Variants in KCNIP4 observed in about 807,000 individuals in gnomAD.
The protein encoded by KCNIP4 is potassium voltage-gated channel interacting protein 4.
Under a neutral mutation model 34.0 loss-of-function variants are expected in KCNIP4, and 12 were observed. The observed-to-expected ratio is 0.35, with a 90% CI of 0.23 to 0.57. The LOEUF (loss-of-function observed/expected upper bound fraction) is 0.57. Ranked by LOEUF, KCNIP4 falls within the 20% of genes least tolerant of loss-of-function variation. The probability of loss-of-function intolerance (pLI) is 0.83; values close to 1 mark genes in which losing one functional copy is unlikely to be tolerated. For missense variants in KCNIP4, 238 were observed against 311.7 expected, an observed-to-expected ratio of 0.76 and a Z score of 1.78; for synonymous variants, 124 against 102.2, an observed-to-expected ratio of 1.21 and a Z score of -1.29.
rs371030969 is a variant in KCNIP4, at chr4:21,561,280, C to T, written c.61+387291G>A. On this transcript the variant is annotated intron_variant, in intron 1 of 8. Coordinates refer to ENST00000382152, the MANE Select transcript of KCNIP4 (RefSeq NM_025221.6). ...AGAAGAATGAAGTATCTTTTTGCCACGCATTTTCCAATGTGAACAATAAAA... is the reference window on the plus strand; with the variant it reads ...AGAAGAATGAAGTATCTTTTTGCCATGCATTTTCCAATGTGAACAATAAAA... Among the ~76,000 whole-genome samples the T allele has an allele frequency of 1.8e-3, 276 of 151,972 alleles. 11 individuals are homozygous for T. In the South Asian group the frequency reaches 0.049, roughly 27 times the overall value.
intron 5 of KCNIP4, among the ~76,000 whole-genome samples, chr4:20,748,423 C>T (rs1752833185): frequency 1.3e-5 from 2 of 151,794 alleles, no homozygotes; most frequent in East Asian, 1.9e-4. Flanking sequence ...CTGCTACAGC[C>T]CCTTTTGTGC....
chr4:21,008,489 T>C (rs1363079577), intron 1 of KCNIP4, among the ~76,000 whole-genome samples: 4 of 152,134 alleles, frequency 2.6e-5, no homozygotes, highest in African/African-American at 9.7e-5. Context: ...TAAATGTGAC[T>C]TCATCTTGCA....
chr4:20,898,174 GC>G (rs1365073295), intron 1 of KCNIP4, among the ~76,000 whole-genome samples: 2 of 152,080 alleles, frequency 1.3e-5, no homozygotes, highest in Non-Finnish European at 1.5e-5. Context: ...TTACATCAGT[GC>G]CCCTTTCAGA....
At chr4:21,879,365 C>T (rs1726328869) in intron 1 of KCNIP4, among the ~76,000 whole-genome samples, 1 of 152,182 alleles carries the variant, frequency 6.6e-6, no homozygotes, top group Non-Finnish European at 1.5e-5. Context: ...CCCTATCCCT[C>T]AGCATCCTCT....
At chr4:20,946,030 T>TA (rs1032245266) in intron 1 of KCNIP4, among the ~76,000 whole-genome samples, 13 of 152,196 alleles carry the variant, frequency 8.5e-5, no homozygotes, top group African/African-American at 3.1e-4. Context: ...ATCCACTCAT[T>TA]AAAAAAATAC....
chr4:21,911,131 A>C (rs533987667), intron 1 of KCNIP4, among the ~76,000 whole-genome samples: 1 of 152,246 alleles, frequency 6.6e-6, no homozygotes, highest in Admixed American at 6.5e-5. Context: ...AGAACCTTCA[A>C]ATCGAAAAGT....
chr4:21,565,696 C>CT lies in KCNIP4; in HGVS notation c.61+382874dup, dbSNP rs201432836. On this transcript the variant is annotated intron_variant, in intron 1 of 8. Transcript: ENST00000382152. Reference sequence around the variant, plus strand: ...ATTCAATAATCATTTACAGAATACTCTGTGTCTGGCACTGTGTTGGGTGAG... The same window carrying CT: ...ATTCAATAATCATTTACAGAATACTCTTGTGTCTGGCACTGTGTTGGGTGAG... Among the ~76,000 whole-genome samples the CT allele has an allele frequency of 3.6e-3, 543 of 152,226 alleles. 3 individuals carry two copies. The highest frequency in any genetic ancestry group is 0.01 in the Middle Eastern group (3 of 294).
intron 1 of KCNIP4, among the ~76,000 whole-genome samples, chr4:21,906,642 C>G (rs565902935): frequency 6.6e-6 from 1 of 152,312 alleles, no homozygotes; most frequent in Admixed American, 6.5e-5. Context: ...GACATTAATA[C>G]TCTGGCCTTT....
chr4:21,330,865 T>C (rs1387230598), intron 1 of KCNIP4, among the ~76,000 whole-genome samples: 1 of 152,178 alleles, frequency 6.6e-6, no homozygotes, highest in African/African-American at 2.4e-5. Context: ...AAGCTTCTCT[T>C]CCTTGTGCTT....
intron 1 of KCNIP4, among the ~76,000 whole-genome samples, chr4:21,284,121 G>A: frequency 6.6e-6 from 1 of 151,816 alleles, no homozygotes; most frequent in East Asian, 1.9e-4. Flanking sequence ...GCTGAGGCAG[G>A]AGAATGGTGT....
At chr4:21,178,518 T>C (rs1266939642) in intron 1 of KCNIP4, among the ~76,000 whole-genome samples, 2 of 150,856 alleles carry the variant, frequency 1.3e-5, no homozygotes, top group Non-Finnish European at 2.9e-5. Context: ...GTGTCCAGGA[T>C]AGTTATTTAA....
intron 1 of KCNIP4, among the ~76,000 whole-genome samples, chr4:21,853,848 C>A (rs1724571726): frequency 6.6e-6 from 1 of 152,174 alleles, no homozygotes; most frequent in South Asian, 2.1e-4. Flanking sequence ...CCTCCCTGGA[C>A]CTCAGTTTAT....
chr4:21,348,641 G>C (rs985016564), intron 1 of KCNIP4, among the ~76,000 whole-genome samples: 10 of 152,138 alleles, frequency 6.6e-5, no homozygotes, highest in Non-Finnish European at 1.3e-4. Flanking sequence ...ATTTTATGGA[G>C]AAGCCCATTA....
At chr4:20,764,595 C>T (rs1203029435) in intron 3 of KCNIP4, among the ~76,000 whole-genome samples, 1 of 151,826 alleles carries the variant, frequency 6.6e-6, no homozygotes, top group Non-Finnish European at 1.5e-5. Flanking sequence ...TTTCCAGAAA[C>T]GCTGCATCCA....
rs1199516175 is a variant in KCNIP4, at chr4:21,525,368, T to C, written c.61+423203A>G. Among the ~76,000 whole-genome samples, 4 of 152,170 alleles carry C rather than the reference T, an allele frequency of 2.6e-5. No individual in the cohort carries two copies. The East Asian group carries it at 7.7e-4, about 29-fold the overall frequency. On this transcript the variant is annotated intron_variant, in intron 1 of 8. Coordinates refer to ENST00000382152, the MANE Select transcript of KCNIP4 (RefSeq NM_025221.6). ...GGTATTCTGTAAACACATGTTGACT[T>C]TACTGTTCAGTACTGAAAAGTAAAA...
At chr4:21,692,515 C>T (rs1711766900) in intron 1 of KCNIP4, among the ~76,000 whole-genome samples, 1 of 152,114 alleles carries the variant, frequency 6.6e-6, no homozygotes, top group Non-Finnish European at 1.5e-5. Flanking sequence ...AATTCATTGG[C>T]AGTCAAGTGT....
chr4:21,846,553 A>C (rs1225350876), intron 1 of KCNIP4: 1 of 152,114 alleles, frequency 6.6e-6, no homozygotes, highest in African/African-American at 2.4e-5. Context: ...GTGATTAAAG[A>C]ATGCTTACTA....
At chr4:21,260,320 A>G (rs1761390273) in intron 1 of KCNIP4, among the ~76,000 whole-genome samples, 1 of 152,198 alleles carries the variant, frequency 6.6e-6, no homozygotes, top group African/African-American at 2.4e-5. Context: ...TAGTTTTGGG[A>G]TAATATGAAG....
chr4:21,455,518 C>T (rs1728849292), intron 1 of KCNIP4, among the ~76,000 whole-genome samples: 1 of 151,496 alleles, frequency 6.6e-6, no homozygotes, highest in Non-Finnish European at 1.5e-5. Flanking sequence ...ATTTATACAA[C>T]AGATATATAG....
Sources: gnomAD v4.1 joint callset for allele counts (sites outside exome capture counted in the v4.1 genomes callset) on GRCh38, gnomAD v4.1.1 for gene constraint, MANE v1.5 for transcripts, NCBI Gene and HGNC (gene_info 2026-07-23, HGNC 2026-07-21) for gene names.